MON2: variants seen among roughly 807,000 people sequenced by gnomAD.
The protein encoded by MON2 is MON2 regulator of endosome-to-Golgi trafficking, also known as protein MON2 homolog.
In MON2, 84 loss-of-function variants were observed where a neutral mutation model predicts 208.6. The ratio of observed to expected loss-of-function variants is 0.40; its 90% confidence interval spans 0.34 to 0.48. The LOEUF is 0.48. Among genes scored for constraint, MON2 ranks in the 20% least tolerant of loss-of-function variants. The probability of loss-of-function intolerance (pLI) is 0.59; values close to 1 mark genes in which losing one functional copy is unlikely to be tolerated. For missense variants in MON2, 1,611 were observed against 2,015.4 expected (o/e 0.80, Z 3.84); for synonymous variants, 660 against 694.0 (o/e 0.95, Z 0.77).
At chr12:62,485,362 AGTAAATCTGTAACTG>A (rs1197860118) in intron 2 of MON2, among the ~76,000 whole-genome samples, 3 of 152,266 alleles carry the variant, frequency 2.0e-5, no homozygotes. Flanking sequence ...AAGGGATACC[AGTAAATCTGTAACTG>A]GTGGGATTTC....
At position 62,578,430 on chromosome 12, in the gene MON2, GTTTT is replaced by G; in HGVS notation, c.4515-6_4515-3del. 1 of 1,130,474 alleles carries G rather than the reference GTTTT, an allele frequency of 8.8e-7. No individual in the cohort carries two copies. Among genetic ancestry groups the G allele is most frequent in the Non-Finnish European group, 1.2e-6 (1 of 811,388 alleles). 70.0% of individuals were successfully genotyped at this position (1,130,474 alleles called of 1,614,324 possible). On this transcript the variant is annotated splice_polypyrimidine_tract_variant and intron_variant, in intron 30 of 34. Transcript: ENST00000393630. ...AATATTTTATCTTTAAAAATCAAGT[GTTTT>G]TTTTTTTTAGCATACCTCCAGATAA...
chr12:62,583,063 T>G (rs2075061055), intron 32 of MON2, among the ~76,000 whole-genome samples: 1 of 152,192 alleles, frequency 6.6e-6, no homozygotes, highest in Non-Finnish European at 1.5e-5. Flanking sequence ...CTGGGCACGG[T>G]GGCTCAGGCC....
chr12:62,494,011 A>G lies in MON2; in HGVS notation c.272A>G (p.Gln91Arg), dbSNP rs1222170130. 2 of 1,613,108 alleles carry G rather than the reference A, an allele frequency of 1.2e-6. No homozygotes were observed. The highest frequency in any genetic ancestry group is 2.7e-5 in the African/African-American group (2 of 74,916). ...KITQLCLAAI[Q>R]RLMSHEVVSE... Reference sequence around the variant, plus strand: ...ACTCAGCTATGTTTGGCTGCTATTCAGAGACTCATGTCACATGAAGTCGTG... The same window carrying G: ...ACTCAGCTATGTTTGGCTGCTATTCGGAGACTCATGTCACATGAAGTCGTG... Residue 91 changes from glutamine (Q) to arginine (R), a missense_variant, in exon 3 of 35, where the codon CAG becomes CGG. Coordinates refer to ENST00000393630, the MANE Select transcript of MON2 (RefSeq NM_015026.3).
chr12:62,564,860 A>C (rs911168290), intron 26 of MON2: 2 of 157,822 alleles, frequency 1.3e-5, no homozygotes, highest in African/African-American at 4.8e-5. Context: ...ATGAACTGAT[A>C]TCACAGAATT....
At chr12:62,476,096 C>T (rs2069060605) in intron 1 of MON2, among the ~76,000 whole-genome samples, 1 of 152,140 alleles carries the variant, frequency 6.6e-6, no homozygotes, top group Non-Finnish European at 1.5e-5. Flanking sequence ...ATGTAATCTG[C>T]ATTCCAGTCT....
At position 62,599,549 on chromosome 12, in the gene MON2, A is replaced by C. The variant is rs1451706857; in HGVS notation, c.*6800A>C. ...CATTTCTGGAGTACCTAGTATGTGC[A>C]GGCCAAGGCTTTGCCTATATTATTC... is the stretch of plus-strand genomic sequence containing the variant. On this transcript the variant is annotated 3_prime_UTR_variant, in exon 35 of 35. Transcript: ENST00000393630. 6.6e-6 allele frequency: 1 copy of C among 152,238 alleles called. No homozygotes were observed. The highest frequency in any genetic ancestry group is 1.9e-4 in the East Asian group (1 of 5,202). 9.4% of individuals were successfully genotyped at this position (152,238 alleles called of 1,614,324 possible). A position where few individuals can be genotyped will look rare whatever the true frequency, so the allele number is the denominator to read the frequency against.
At chr12:62,485,965 G>C (rs2069760961) in intron 2 of MON2, among the ~76,000 whole-genome samples, 1 of 152,266 alleles carries the variant, frequency 6.6e-6, no homozygotes, top group Non-Finnish European at 1.5e-5. Flanking sequence ...GCCTCTCCAA[G>C]TGTTGGGATT....
At position 62,571,418 on chromosome 12, in the gene MON2, G is replaced by A. The variant is rs2074593171; in HGVS notation, c.4350G>A (p.Lys1450=). The change falls in exon 30 of 35, where the codon AAG becomes AAA. Residue 1450 remains lysine (K), a synonymous_variant. Transcript: ENST00000393630. ...IKTLRVPLSL[K]YSCPSESTWK... The stretch of plus-strand genomic sequence containing the variant: ...CTCTTAGGGTTCCTCTCAGTTTGAA[G>A]TATTCCTGCCCTTCTGAAAGCACAT... 1 of 1,610,150 alleles carries A rather than the reference G, an allele frequency of 6.2e-7. No individual in the cohort carries two copies. The highest frequency in any genetic ancestry group is 1.3e-5 in the African/African-American group (1 of 74,798).
At chr12:62,558,189 G>T (rs1437254455) in intron 25 of MON2, among the ~76,000 whole-genome samples, 1 of 151,182 alleles carries the variant, frequency 6.6e-6, no homozygotes, top group Non-Finnish European at 1.5e-5. Flanking sequence ...TGTTGGTCAG[G>T]CTAGTCTCAA....
chr12:62,587,279 G>GAATAT, intron 33 of MON2, among the ~76,000 whole-genome samples: 1 of 151,982 alleles, frequency 6.6e-6, no homozygotes, highest in South Asian at 2.1e-4. Flanking sequence ...TTGTAATTTT[G>GAATAT]AATATACTTT....
chr12:62,516,290 G>T (rs1485308109), intron 8 of MON2, among the ~76,000 whole-genome samples: 3 of 152,102 alleles, frequency 2.0e-5, no homozygotes, highest in Admixed American at 1.3e-4. Flanking sequence ...TGGTGGAGAT[G>T]GGGAGCAGGG....
intron 19 of MON2, among the ~76,000 whole-genome samples, chr12:62,541,374 C>CA (rs34466096): frequency 0.032 from 3,523 of 108,720 alleles, 66 homozygotes; most frequent in African/African-American, 0.05. Flanking sequence ...AACTCTGTCT[C>CA]AAAAAAAAAA....
intron 34 of MON2, chr12:62,588,833 CT>C: frequency 7.2e-7 from 1 of 1,392,290 alleles, no homozygotes; most frequent in Non-Finnish European, 9.7e-7. Context: ...TTTTTTCAAC[CT>C]TTTGTTTATT....
At chr12:62,554,562 G>A (rs1250956441) in intron 24 of MON2, among the ~76,000 whole-genome samples, 2 of 152,100 alleles carry the variant, frequency 1.3e-5, no homozygotes, top group African/African-American at 4.8e-5. Flanking sequence ...CGGCCTGATC[G>A]TAGCACACTA....
At chr12:62,492,618 G>A (rs182230201) in intron 2 of MON2, among the ~76,000 whole-genome samples, 2 of 146,948 alleles carry the variant, frequency 1.4e-5, no homozygotes, top group East Asian at 4.2e-4. Context: ...TGATCCACCC[G>A]CCTCGGCCTC....
chr12:62,507,810 C>A (rs2071183374), intron 7 of MON2, among the ~76,000 whole-genome samples: 1 of 152,030 alleles, frequency 6.6e-6, no homozygotes, highest in South Asian at 2.1e-4. Context: ...GCTCTGTTAC[C>A]CAGACTGGAG....
chr12:62,530,262 GCT>G (rs1342658000), intron 11 of MON2, among the ~76,000 whole-genome samples: 6 of 136,318 alleles, frequency 4.4e-5, no homozygotes, highest in African/African-American at 1.7e-4. Flanking sequence ...ACGGAGTCTC[GCT>G]CTGTCACCCA....
At chr12:62,567,540 G>T (rs1173247201) in intron 29 of MON2, among the ~76,000 whole-genome samples, 1 of 152,114 alleles carries the variant, frequency 6.6e-6, no homozygotes, top group Non-Finnish European at 1.5e-5. Context: ...CTTCTCTAAT[G>T]ATTTATCTTC....
intron 15 of MON2, 109 bp from the exon 16 acceptor site, chr12:62,537,493 T>G (rs1275535465): frequency 2.3e-6 from 2 of 851,470 alleles, no homozygotes; most frequent in African/African-American, 3.5e-5. Context: ...AATCTTTTTC[T>G]TAATTTTTTC....
Sources: gnomAD v4.1 joint callset for allele counts (sites outside exome capture counted in the v4.1 genomes callset) on GRCh38, gnomAD v4.1.1 for gene constraint, MANE v1.5 for transcripts, NCBI Gene and HGNC (gene_info 2026-07-23, HGNC 2026-07-21) for gene names.